HORMAD2: variants seen among roughly 807,000 people sequenced by gnomAD.
The protein encoded by HORMAD2 is HORMA domain containing 2.
Under a neutral mutation model 38.8 loss-of-function variants are expected in HORMAD2, and 45 were observed. The ratio of observed to expected loss-of-function variants is 1.16; its 90% CI spans 0.91 to 1.49. The LOEUF (loss-of-function observed/expected upper bound fraction) is 1.49. HORMAD2 is among the 40% of genes most tolerant of loss of function. The pLI is 0.00. For missense variants in HORMAD2, 338 were observed against 367.0 expected, an observed-to-expected ratio of 0.92 and a Z score of 0.65; for synonymous variants, 126 against 122.8, an observed-to-expected ratio of 1.03 and a Z score of -0.17.
chr22:30,162,318 T>TACACACACACAC (rs71198531), intron 10 of HORMAD2, among the ~76,000 whole-genome samples: 3 of 147,970 alleles, frequency 2.0e-5, no homozygotes, highest in African/African-American at 7.4e-5. Flanking sequence ...CGTCTCAAAA[T>TACACACACACAC]ACACACACAC....
At chr22:30,151,709 T>C (rs972432715) in intron 10 of HORMAD2, among the ~76,000 whole-genome samples, 2 of 152,336 alleles carry the variant, frequency 1.3e-5, no homozygotes, top group African/African-American at 4.8e-5. Context: ...TCATATTATA[T>C]CTTTTTAGAG....
At chr22:30,121,515 C>T (rs1385984683) in intron 8 of HORMAD2, 117 bp from the exon 9 acceptor site, 1 of 787,786 alleles carries the variant, frequency 1.3e-6, no homozygotes, top group African/African-American at 1.8e-5. Flanking sequence ...CTAAAAAAGT[C>T]TCAAAATATA....
chr22:30,119,992 C>A (rs1454249505), intron 8 of HORMAD2, among the ~76,000 whole-genome samples: 1 of 152,156 alleles, frequency 6.6e-6, no homozygotes, highest in Non-Finnish European at 1.5e-5. Flanking sequence ...TAATACTTTA[C>A]AGCTTATACA....
chr22:30,097,465 C>T (rs560458527), intron 2 of HORMAD2, among the ~76,000 whole-genome samples: 1 of 152,260 alleles, frequency 6.6e-6, no homozygotes, highest in East Asian at 1.9e-4. Context: ...GGAAGCTATT[C>T]CTAGTATTGA....
chr22:30,181,238 T>C (rs1279190842), downstream of HORMAD2, among the ~76,000 whole-genome samples: 2 of 151,884 alleles, frequency 1.3e-5, no homozygotes, highest in Non-Finnish European at 2.9e-5. Context: ...GGTCTTGAAC[T>C]CCTGGGCTCA....
intron 1 of HORMAD2, among the ~76,000 whole-genome samples, chr22:30,082,198 G>A (rs2068492979): frequency 6.6e-6 from 1 of 152,098 alleles, no homozygotes; most frequent in Non-Finnish European, 1.5e-5. Flanking sequence ...GTGTAAGGAA[G>A]GTAATATAGT....
Position 30,121,614 on chromosome 22 carries a change from G to A in HORMAD2, c.411-18G>A. 4 of 1,549,828 alleles carry A rather than the reference G, an allele frequency of 2.6e-6. No homozygotes were observed. Among genetic ancestry groups the A allele is most frequent in the South Asian group, 2.5e-5 (2 of 81,334 alleles). On this transcript the variant is annotated intron_variant, in intron 8 of 10. Transcript: ENST00000336726. The stretch of plus-strand genomic sequence containing the variant: ...ACTATTGTATATGATCAAAAAGTAT[G>A]CTTTTTTTTCTGTGTAGTCATAGCA...
chr22:30,112,357 A>T, intron 6 of HORMAD2, 139 bp from the exon 7 acceptor site: 2 of 582,978 alleles, frequency 3.4e-6, no homozygotes, highest in East Asian at 3.4e-5. Flanking sequence ...CAAAATAAGC[A>T]TATCCTATCT....
intron 10 of HORMAD2, among the ~76,000 whole-genome samples, chr22:30,174,952 A>T (rs978667765): frequency 2.6e-5 from 4 of 152,160 alleles, no homozygotes; most frequent in African/African-American, 9.6e-5. Context: ...CTGTCTTAGT[A>T]TAAGCCAAAG....
At chr22:30,134,479 T>A (rs945956753) in intron 10 of HORMAD2, among the ~76,000 whole-genome samples, 5 of 148,694 alleles carry the variant, frequency 3.4e-5, no homozygotes, top group African/African-American at 9.8e-5. Flanking sequence ...ATATATACAA[T>A]TAACACTAAC....
intron 5 of HORMAD2, chr22:30,104,696 T>A: frequency 6.2e-6 from 2 of 324,010 alleles, no homozygotes; most frequent in Non-Finnish European, 1.1e-5. Context: ...CTGGAAGAGA[T>A]CCACAGGATG....
chr22:30,121,593 T>C (rs993132880), intron 8 of HORMAD2, 39 bp from the exon 9 acceptor site: 3 of 1,505,740 alleles, frequency 2.0e-6, no homozygotes, highest in African/African-American at 2.8e-5. Context: ...ATTGCCACTA[T>C]TGTATATGAT....
chr22:30,186,793 G>A, the HORMAD2 span, among the ~76,000 whole-genome samples: 26 of 151,864 alleles, frequency 1.7e-4, no homozygotes, highest in Admixed American at 6.6e-4. Context: ...TTTACCAAAG[G>A]TCAAGGATCC....
intron 10 of HORMAD2, among the ~76,000 whole-genome samples, chr22:30,139,669 C>A (rs1923939604): frequency 6.6e-6 from 1 of 151,780 alleles, no homozygotes. Context: ...TTGTCTTGTT[C>A]CTAATCTTAG....
intron 5 of HORMAD2, among the ~76,000 whole-genome samples, chr22:30,111,030 C>A (rs146995062): frequency 6.6e-6 from 1 of 151,180 alleles, no homozygotes; most frequent in Admixed American, 6.6e-5. Flanking sequence ...GTGGTGCATG[C>A]GTGTAATCCC....
chr22:30,167,895 T>C, intron 10 of HORMAD2, among the ~76,000 whole-genome samples: 1 of 152,156 alleles, frequency 6.6e-6, no homozygotes, highest in African/African-American at 2.4e-5. Flanking sequence ...ACTAAATGTG[T>C]GAACTAGATA....
At chr22:30,088,159 G>A (rs555486138) in intron 1 of HORMAD2, among the ~76,000 whole-genome samples, 6 of 142,760 alleles carry the variant, frequency 4.2e-5, no homozygotes, top group Admixed American at 2.1e-4. Flanking sequence ...ATGTATACAC[G>A]TATACCTATG....
the HORMAD2 span, among the ~76,000 whole-genome samples, chr22:30,198,476 T>G: frequency 1.3e-5 from 2 of 150,540 alleles, no homozygotes; most frequent in Admixed American, 1.3e-4. Context: ...GGTTCGGATT[T>G]AACTGGGCTG....
At chr22:30,183,911 C>T in the HORMAD2 span, among the ~76,000 whole-genome samples, 1 of 152,140 alleles carries the variant, frequency 6.6e-6, no homozygotes, top group African/African-American at 2.4e-5. Flanking sequence ...CACTTCATTC[C>T]CCTGCCTTCA....
Sources: gnomAD v4.1 joint callset for allele counts (sites outside exome capture counted in the v4.1 genomes callset) on GRCh38, gnomAD v4.1.1 for gene constraint, MANE v1.5 for transcripts, NCBI Gene and HGNC (gene_info 2026-07-23, HGNC 2026-07-21) for gene names.